Variants in SLIT3 observed in about 807,000 individuals in gnomAD.
SLIT3 encodes the protein slit guidance ligand 3, also known as slit homolog 3 protein.
In SLIT3, 68 loss-of-function variants were observed where a neutral mutation model predicts 184.0. The ratio of observed to expected loss-of-function variants is 0.37; its 90% CI spans 0.30 to 0.45. The LOEUF (loss-of-function observed/expected upper bound fraction) is 0.45, where lower values mean the gene tolerates loss of function less well. Among genes scored for constraint, SLIT3 ranks in the 20% least tolerant of loss-of-function variants. The pLI is 1.00. For synonymous variants in SLIT3, 831 were observed against 828.6 expected (o/e 1.00, Z -0.05); for missense variants, 1,707 against 2,026.0 (o/e 0.84, Z 3.02).
chr5:168,983,033 T>C (rs1196114890), intron 4 of SLIT3, among the ~76,000 whole-genome samples: 2 of 152,160 alleles, frequency 1.3e-5, no homozygotes, highest in Non-Finnish European at 2.9e-5. Flanking sequence ...TATTTTCCCA[T>C]GTTATTGAAG....
intron 32 of SLIT3, among the ~76,000 whole-genome samples, chr5:168,673,549 T>C (rs1761319661): frequency 6.6e-6 from 1 of 152,250 alleles, no homozygotes; most frequent in African/African-American, 2.4e-5. Context: ...GTTTTCTCTG[T>C]GCATTTTATG....
chr5:168,855,080 C>T (rs1475655204), intron 5 of SLIT3, among the ~76,000 whole-genome samples: 2 of 152,196 alleles, frequency 1.3e-5, no homozygotes, highest in African/African-American at 4.8e-5. Context: ...AGAGCGGGTA[C>T]AGTCTCTGTT....
chr5:168,986,191 C>A (rs1755121475), intron 4 of SLIT3, among the ~76,000 whole-genome samples: 1 of 152,126 alleles, frequency 6.6e-6, no homozygotes. Context: ...TCTCCCAATT[C>A]CCTGACAGTG....
At chr5:169,240,364 A>AT (rs75637526) in intron 3 of SLIT3, among the ~76,000 whole-genome samples, 52 of 147,276 alleles carry the variant, frequency 3.5e-4, no homozygotes, top group African/African-American at 6.4e-4. Context: ...AAATTTGTCT[A>AT]TTTTTTTTTT....
chr5:169,249,605 A>C (rs998583125), intron 2 of SLIT3, among the ~76,000 whole-genome samples: 1 of 152,266 alleles, frequency 6.6e-6, no homozygotes, highest in Non-Finnish European at 1.5e-5. Context: ...TAAATAAAAA[A>C]AAATAAAGTG....
chr5:168,795,397 C>G, intron 10 of SLIT3, 110 bp downstream of exon 10: 1 of 818,126 alleles, frequency 1.2e-6, no homozygotes, highest in Admixed American at 1.8e-5. Context: ...ACAGAACTGC[C>G]CAGGAGGAAT....
intron 9 of SLIT3, among the ~76,000 whole-genome samples, chr5:168,798,520 C>T (rs1363156637): frequency 6.6e-6 from 1 of 152,142 alleles, no homozygotes; most frequent in Non-Finnish European, 1.5e-5. Flanking sequence ...TGAGCCACCA[C>T]GCCTGGCCTG....
chr5:169,288,392 T>C (rs1391648806), intron 1 of SLIT3, among the ~76,000 whole-genome samples: 1 of 152,128 alleles, frequency 6.6e-6, no homozygotes, highest in Non-Finnish European at 1.5e-5. Flanking sequence ...TTTTTTATGA[T>C]GTGGGAGGCT....
chr5:169,273,690 A>G (rs983897701), intron 1 of SLIT3, among the ~76,000 whole-genome samples: 1 of 152,140 alleles, frequency 6.6e-6, no homozygotes, highest in Non-Finnish European at 1.5e-5. Flanking sequence ...CCACCAACTT[A>G]TGCTTTGAGG....
chr5:168,685,665 G>T (rs1316778019), intron 31 of SLIT3, 22 bp downstream of exon 31: 5 of 1,518,496 alleles, frequency 3.3e-6, no homozygotes, highest in Non-Finnish European at 4.4e-6. Flanking sequence ...TCCTTCCAAG[G>T]GCAGGGCAGG....
At chr5:169,037,277 C>A (rs1757288481) in intron 4 of SLIT3, among the ~76,000 whole-genome samples, 1 of 152,184 alleles carries the variant, frequency 6.6e-6, no homozygotes, top group Non-Finnish European at 1.5e-5. Flanking sequence ...AAGATGAGAA[C>A]ACTTGGCAGC....
intron 4 of SLIT3, among the ~76,000 whole-genome samples, chr5:169,115,287 C>G (rs940988282): frequency 6.6e-6 from 1 of 152,142 alleles, no homozygotes; most frequent in Admixed American, 6.5e-5. Context: ...CCCACCTAGA[C>G]TCAACACAGG....
At chr5:168,824,434 G>A (rs1349768311) in intron 6 of SLIT3, among the ~76,000 whole-genome samples, 1 of 152,210 alleles carries the variant, frequency 6.6e-6, no homozygotes, top group Non-Finnish European at 1.5e-5. Flanking sequence ...AATGAAGCCA[G>A]GCTATAGGCA....
chr5:169,119,058 T>C (rs1369715081), intron 4 of SLIT3, among the ~76,000 whole-genome samples: 1 of 152,216 alleles, frequency 6.6e-6, no homozygotes, highest in Non-Finnish European at 1.5e-5. Flanking sequence ...AGCTCATGTT[T>C]GAATCCATGC....
chr5:168,966,560 T>G (rs1763202125), intron 4 of SLIT3, among the ~76,000 whole-genome samples: 1 of 152,204 alleles, frequency 6.6e-6, no homozygotes, highest in Admixed American at 6.5e-5. Context: ...AAGCTTCTTC[T>G]TGAGTCTACA....
intron 26 of SLIT3, chr5:168,707,748 A>G (rs1169795789): frequency 2.1e-6 from 1 of 481,860 alleles, no homozygotes; most frequent in East Asian, 3.2e-5. Flanking sequence ...TTCTCTCTGG[A>G]CATCCTTGTC....
At chr5:169,269,093 T>C (rs1238918278) in intron 1 of SLIT3, among the ~76,000 whole-genome samples, 1 of 152,244 alleles carries the variant, frequency 6.6e-6, no homozygotes, top group Non-Finnish European at 1.5e-5. Context: ...CTCCCTGCTC[T>C]TTGCTCTAAA....
chr5:168,685,196 A>C (rs370367540), intron 31 of SLIT3, among the ~76,000 whole-genome samples: 6 of 152,232 alleles, frequency 3.9e-5, no homozygotes, highest in African/African-American at 1.4e-4. Context: ...TGATCCACCC[A>C]CCTCAGCCTC....
intron 9 of SLIT3, among the ~76,000 whole-genome samples, chr5:168,796,440 C>T (rs757028264): frequency 5.3e-5 from 8 of 152,056 alleles, no homozygotes; most frequent in Non-Finnish European, 8.8e-5. Flanking sequence ...GCGCTCTATT[C>T]GGGGTGATGA....
Sources: gnomAD v4.1 joint callset for allele counts (sites outside exome capture counted in the v4.1 genomes callset) on GRCh38, gnomAD v4.1.1 for gene constraint, MANE v1.5 for transcripts, NCBI Gene and HGNC (gene_info 2026-07-23, HGNC 2026-07-21) for gene names.